PAH: variants seen among roughly 807,000 people sequenced by gnomAD.
The protein encoded by PAH is phenylalanine hydroxylase.
Under a neutral mutation model 62.0 loss-of-function variants are expected in PAH, and 64 were observed. The ratio of observed to expected loss-of-function variants is 1.03; its 90% confidence interval spans 0.84 to 1.27. The LOEUF (loss-of-function observed/expected upper bound fraction) is 1.27. Ranked by LOEUF, PAH falls within the 50% of genes most tolerant of loss-of-function variation. The pLI is 0.00. For missense variants in PAH, 579 were observed against 542.8 expected (o/e 1.07, Z -0.66); for synonymous variants, 195 against 196.2 (o/e 0.99, Z 0.05).
intron 3 of PAH, among the ~76,000 whole-genome samples, chr12:102,883,044 C>T (rs1420256372): frequency 6.6e-6 from 1 of 152,070 alleles, no homozygotes; most frequent in Non-Finnish European, 1.5e-5. Context: ...CTCTGTCCAG[C>T]TTGGGTATTA....
rs1874869257 is a variant in PAH, at chr12:102,846,883, G to A, written c.969+12C>T. On this transcript the variant is annotated intron_variant, in intron 9 of 12. Coordinates refer to ENST00000553106, the MANE Select transcript of PAH (RefSeq NM_000277.3). ...GCACTCCACCATCCACCCAGGGAGA[G>A]AAGGGACTTACTGTGGCGAGCTTTT... 1.9e-6 allele frequency: 3 copies of A among 1,611,246 alleles called. No homozygotes were observed. Among genetic ancestry groups the A allele is most frequent in the Non-Finnish European group, 2.5e-6 (3 of 1,177,612 alleles).
chr12:102,867,456 G>T (rs370683391), intron 4 of PAH, among the ~76,000 whole-genome samples: 1 of 152,188 alleles, frequency 6.6e-6, no homozygotes, highest in Non-Finnish European at 1.5e-5. Flanking sequence ...GTGTCTTTGA[G>T]TGTTTGGGGT....
chr12:102,889,213 T>C (rs142251436), intron 3 of PAH, among the ~76,000 whole-genome samples: 15 of 152,326 alleles, frequency 9.8e-5, no homozygotes, highest in Non-Finnish European at 1.9e-4. Flanking sequence ...CAGAGCCCTC[T>C]AAGGAATCCT....
rs62514958 is a variant in PAH at position 102,846,899 on chromosome 12, G to A, written c.965C>T (p.Ala322Val). 6.2e-7 allele frequency: 1 copy of A among 1,613,298 alleles called. No individual in the cohort carries two copies. Among genetic ancestry groups the A allele is most frequent in the Non-Finnish European group, 8.5e-7 (1 of 1,179,338 alleles). The change falls in exon 9 of 13, where the codon GCC (alanine) becomes GTC (valine). Residue 322 changes from alanine to valine, a missense_variant. Ala to Val is a moderately conservative substitution (Grantham distance 64). Coordinates refer to ENST00000553106, the MANE Select transcript of PAH (RefSeq NM_000277.3). ...CCAGGGAGAGAAGGGACTTACTGTG[G>A]CGAGCTTTTCAATGTATTCATCAGG... ...GAPDEYIEKL[A>V]TIYWFTVEFG...
At chr12:102,848,233 G>A (rs1476775701) in intron 8 of PAH, among the ~76,000 whole-genome samples, 1 of 151,854 alleles carries the variant, frequency 6.6e-6, no homozygotes, top group African/African-American at 2.4e-5. Flanking sequence ...AGGGTAGACA[G>A]GGAACAAGGA....
chr12:102,944,307 T>C (rs1390171242), intron 1 of PAH, among the ~76,000 whole-genome samples: 2 of 152,236 alleles, frequency 1.3e-5, no homozygotes, highest in African/African-American at 2.4e-5. Context: ...TATTGTTCTT[T>C]AGGTTCAGCA....
chr12:102,955,530 A>T (rs1305554074), upstream of PAH, among the ~76,000 whole-genome samples: 2 of 152,150 alleles, frequency 1.3e-5, no homozygotes, highest in African/African-American at 4.8e-5. Flanking sequence ...CACATTTGCG[A>T]CACTCCCTCC....
intron 11 of PAH, among the ~76,000 whole-genome samples, chr12:102,842,223 C>A (rs1232872262): frequency 6.6e-6 from 1 of 152,136 alleles, no homozygotes; most frequent in Non-Finnish European, 1.5e-5. Context: ...TGCCTCTAAG[C>A]TCCAATGCCT....
At chr12:102,922,542 C>T (rs1524550) in intron 1 of PAH, among the ~76,000 whole-genome samples, 19,132 of 152,198 alleles carry the variant, frequency 0.13, 1,709 homozygotes, top group African/African-American at 0.25. Context: ...CTTGAGGTCA[C>T]GCTGTTTACT....
At chr12:102,918,841 C>A (rs7485331), upstream of PAH, among the ~76,000 whole-genome samples, 61,116 of 151,924 alleles carry the variant, frequency 0.4, 13,687 homozygotes, top group African/African-American at 0.59. Flanking sequence ...CGGCATTTTT[C>A]AGTGTAGTAG....
intron 1 of PAH, among the ~76,000 whole-genome samples, chr12:102,949,591 C>G (rs1025323040): frequency 1.6e-4 from 24 of 152,170 alleles, no homozygotes; most frequent in African/African-American, 5.3e-4. Flanking sequence ...TTTCATTGCA[C>G]CTAACAGTAA....
chr12:102,927,275 A>C (rs1411848751), intron 1 of PAH, among the ~76,000 whole-genome samples: 1 of 148,926 alleles, frequency 6.7e-6, no homozygotes, highest in Non-Finnish European at 1.5e-5. Flanking sequence ...TACATCTTCA[A>C]AAAAGTTTTT....
At chr12:102,861,036 A>G (rs1485165375) in intron 5 of PAH, among the ~76,000 whole-genome samples, 1 of 152,250 alleles carries the variant, frequency 6.6e-6, no homozygotes, top group African/African-American at 2.4e-5. Flanking sequence ...CTACCATCAG[A>G]GTGAACAGGC....
chr12:102,846,799 G>T, intron 9 of PAH, 96 bp downstream of exon 9: 1 of 996,670 alleles, frequency 1.0e-6, no homozygotes, highest in Non-Finnish European at 1.6e-6. Flanking sequence ...TTTTTCCCCA[G>T]ATAACCTGGC....
rs62517163 is a variant in PAH at position 102,843,731 on chromosome 12, T to A, written c.1114A>T (p.Thr372Ser). 1.2e-6 allele frequency: 2 copies of A among 1,613,754 alleles called. No homozygotes were observed. Among genetic ancestry groups the A allele is most frequent in the Non-Finnish European group, 1.7e-6 (2 of 1,179,728 alleles). ...GTGACAGTGTAATTTTGGATGGCTG[T>A]CTTCTCCAGCTCCAGGGGGAGAAGC... The part of the protein sequence containing the change: ...PKLLPLELEK[T>S]AIQNYTVTEF... The change falls in exon 11 of 13, where the codon ACA (threonine) becomes TCA (serine). Residue 372 changes from threonine to serine, a missense_variant. By Grantham distance (58) the Thr-to-Ser change is moderately conservative. Transcript: ENST00000553106.
At chr12:102,859,558 A>G (rs959960580) in intron 5 of PAH, among the ~76,000 whole-genome samples, 18 of 152,298 alleles carry the variant, frequency 1.2e-4, no homozygotes, top group African/African-American at 3.4e-4. Flanking sequence ...GATGAACATC[A>G]ATGCAAAAAT....
At chr12:102,884,734 G>T (rs1876960177) in intron 3 of PAH, among the ~76,000 whole-genome samples, 1 of 152,164 alleles carries the variant, frequency 6.6e-6, no homozygotes, top group Non-Finnish European at 1.5e-5. Context: ...GCCAGTCCAT[G>T]CTTATGTCTC....
chr12:102,946,256 A>C (rs971066558), intron 1 of PAH, among the ~76,000 whole-genome samples: 1 of 152,194 alleles, frequency 6.6e-6, no homozygotes, highest in Non-Finnish European at 1.5e-5. Flanking sequence ...CTCCCTTGGC[A>C]ACCCTTGCTG....
At position 102,957,846 on chromosome 12, in the gene PAH, T is replaced by G; in HGVS notation, c.-96+349A>C. 6.0e-6 allele frequency: 1 copy of G among 167,510 alleles called. No individual in the cohort carries two copies. The allele number at this position is 167,510 out of a possible 1,614,324, so 10.4% of individuals were successfully genotyped here. A position where few individuals can be genotyped will look rare whatever the true frequency, so the allele number is the denominator to read the frequency against. Reference sequence around the variant, plus strand: ...CCGGCGCAAGAGAGCGCAGCCTTAGTAGGAGAGGAACGCGAGACGCGGCAG... The same window carrying G: ...CCGGCGCAAGAGAGCGCAGCCTTAGGAGGAGAGGAACGCGAGACGCGGCAG... On this transcript the variant is annotated intron_variant, in intron 1 of 4. Transcript: ENST00000551337. The surrounding 1 kb of genome is among the most constrained non-coding windows in gnomAD (Gnocchi z 4.1).
Sources: gnomAD v4.1 joint callset for allele counts (sites outside exome capture counted in the v4.1 genomes callset) on GRCh38, gnomAD v4.1.1 for gene constraint, Gnocchi (gnomAD v3.1) non-coding constraint, MANE v1.5 for transcripts, NCBI Gene and HGNC (gene_info 2026-07-23, HGNC 2026-07-21) for gene names.